Variants in PPP2R2C observed in about 807,000 individuals in gnomAD.
PPP2R2C encodes the protein protein phosphatase 2, regulatory subunit B, gamma.
A neutral mutation model predicts 45.3 loss-of-function variants in PPP2R2C; 10 were observed. That is an observed-to-expected ratio of 0.22 (90% confidence interval 0.14 to 0.37). PPP2R2C has a LOEUF of 0.37. PPP2R2C is among the 10% of genes least tolerant of loss of function. PPP2R2C has a pLI of 1.00. For missense variants in PPP2R2C, 308 were observed against 619.7 expected, an observed-to-expected ratio of 0.50 and a Z score of 5.34; for synonymous variants, 257 against 245.4, an observed-to-expected ratio of 1.05 and a Z score of -0.44.
intron 4 of PPP2R2C, 28 bp downstream of exon 4, chr4:6,375,791 T>C: frequency 6.5e-7 from 1 of 1,533,950 alleles, no homozygotes; most frequent in South Asian, 1.1e-5. Flanking sequence ...AAGAGGCGTG[T>C]GCCTGCTTCC....
intron 5 of PPP2R2C, among the ~76,000 whole-genome samples, chr4:6,362,380 G>C (rs1174650611): frequency 1.3e-5 from 2 of 152,164 alleles, no homozygotes; most frequent in South Asian, 4.1e-4. Flanking sequence ...AGAAATGCCA[G>C]GGAGGTCTGT....
At chr4:6,502,872 C>G (rs1723103547) in intron 2 of PPP2R2C, among the ~76,000 whole-genome samples, 1 of 152,166 alleles carries the variant, frequency 6.6e-6, no homozygotes, top group African/African-American at 2.4e-5. Context: ...TTCTCTCACA[C>G]CCACATCTAA....
At chr4:6,420,366 A>C (rs1432883727) in intron 1 of PPP2R2C, among the ~76,000 whole-genome samples, 1 of 150,422 alleles carries the variant, frequency 6.6e-6, no homozygotes, top group East Asian at 1.9e-4. Context: ...GCATCCCCCC[A>C]CCTGTCCCGT....
At chr4:6,479,503 G>A (rs551631525) in intron 2 of PPP2R2C, among the ~76,000 whole-genome samples, 21 of 145,394 alleles carry the variant, frequency 1.4e-4, no homozygotes, top group African/African-American at 4.8e-4. Context: ...AAATGAAGAC[G>A]AAGTCTGTGT....
intron 5 of PPP2R2C, among the ~76,000 whole-genome samples, chr4:6,371,805 C>A (rs1280828643): frequency 2.0e-5 from 3 of 152,182 alleles, no homozygotes; most frequent in Non-Finnish European, 4.4e-5. Context: ...GCCTGGCACA[C>A]AGAGTCTCAC....
chr4:6,397,780 T>G lies in PPP2R2C; in HGVS notation c.71-16686A>C, dbSNP rs1470338812. On this transcript the variant is annotated intron_variant, in intron 1 of 8. Transcript: ENST00000382599. ...TAATATTCACACCTGCTTCAGAGGG[T>G]CCTAAGGATTAAATAAGCGAAAATA... 2.6e-5 allele frequency among the ~76,000 whole-genome samples: 4 copies of G among 152,150 alleles called. No individual in the cohort carries two copies. In the South Asian group the frequency reaches 8.3e-4, roughly 32 times the overall value.
At chr4:6,390,103 T>C (rs1459099374) in intron 1 of PPP2R2C, among the ~76,000 whole-genome samples, 1 of 152,174 alleles carries the variant, frequency 6.6e-6, no homozygotes, top group Non-Finnish European at 1.5e-5. Flanking sequence ...TGGGGTCTGA[T>C]TCTGCCAGGG....
intron 2 of PPP2R2C, among the ~76,000 whole-genome samples, chr4:6,514,492 T>G (rs1181649094): frequency 6.6e-6 from 1 of 152,178 alleles, no homozygotes; most frequent in Non-Finnish European, 1.5e-5. Flanking sequence ...AGCTGAGTAT[T>G]TGTCCCCCAG....
At chr4:6,440,193 C>T (rs529068681) in intron 1 of PPP2R2C, among the ~76,000 whole-genome samples, 2 of 152,326 alleles carry the variant, frequency 1.3e-5, no homozygotes, top group East Asian at 1.9e-4. Context: ...ATCCCCAAGG[C>T]CTGGCATGGA....
At chr4:6,559,451 A>G (rs1266932385) in intron 1 of PPP2R2C, among the ~76,000 whole-genome samples, 1 of 151,870 alleles carries the variant, frequency 6.6e-6, no homozygotes, top group South Asian at 2.1e-4. Flanking sequence ...CAAAGAGATT[A>G]AACTTCACCC....
chr4:6,512,753 C>T (rs1383232427), intron 2 of PPP2R2C, among the ~76,000 whole-genome samples: 1 of 151,686 alleles, frequency 6.6e-6, no homozygotes, highest in Non-Finnish European at 1.5e-5. Flanking sequence ...AGGATAAGAC[C>T]TCACCTGGGC....
intron 1 of PPP2R2C, among the ~76,000 whole-genome samples, chr4:6,390,003 C>G (rs1443760696): frequency 3.3e-5 from 5 of 152,128 alleles, no homozygotes; most frequent in African/African-American, 1.2e-4. Flanking sequence ...GCCCCACCCA[C>G]GTCTATGAAA....
intron 6 of PPP2R2C, among the ~76,000 whole-genome samples, chr4:6,336,495 G>A (rs1186024481): frequency 3.3e-5 from 5 of 152,100 alleles, no homozygotes; most frequent in South Asian, 2.1e-4. Flanking sequence ...AGCCAAGGGC[G>A]CTTTTCAGGA....
At position 6,381,099 on chromosome 4, in the gene PPP2R2C, G is replaced by C. The variant is rs1191932309; in HGVS notation, c.71-5C>G. 3.8e-6 allele frequency: 6 copies of C among 1,575,000 alleles called. No individual in the cohort carries two copies. Among genetic ancestry groups the C allele is most frequent in the Non-Finnish European group, 5.2e-6 (6 of 1,158,240 alleles). On this transcript the variant is annotated splice_polypyrimidine_tract_variant and splice_region_variant and intron_variant, in intron 1 of 8. Transcript: ENST00000382599. Reference sequence around the variant, plus strand: ...CAACGGTAGAGATGATGTCAGCTGGGAGGGGAACAGCAAGACGGGAAGGGG... The same window carrying C: ...CAACGGTAGAGATGATGTCAGCTGGCAGGGGAACAGCAAGACGGGAAGGGG...
rs571236870 is a variant in PPP2R2C at position 6,445,310 on chromosome 4, C to T, written c.70+26850G>A. ...GCTTATGTTCACTATCTAGCTAAGACATGACCTGCCAGAATCATTTCCACA... is the reference window on the plus strand; with the variant it reads ...GCTTATGTTCACTATCTAGCTAAGATATGACCTGCCAGAATCATTTCCACA... On this transcript the variant is annotated intron_variant, in intron 1 of 8. Transcript: ENST00000382599. Among the ~76,000 whole-genome samples the T allele has an allele frequency of 1.6e-4, 24 of 152,338 alleles. 1 individual carries two copies. Among genetic ancestry groups the T allele is most frequent in the African/African-American group, 5.8e-4 (24 of 41,562 alleles).
chr4:6,413,836 T>C, intron 1 of PPP2R2C: 2 of 1,530,888 alleles, frequency 1.3e-6, no homozygotes, highest in Non-Finnish European at 1.8e-6. Context: ...GGGCTCCCAC[T>C]CAGGGCTGGC....
chr4:6,478,853 G>A (rs941859065), intron 2 of PPP2R2C, among the ~76,000 whole-genome samples: 2 of 152,190 alleles, frequency 1.3e-5, no homozygotes, highest in Non-Finnish European at 2.9e-5. Context: ...CCGGGACCCC[G>A]GCTGATGGAG....
chr4:6,475,170 G>A (rs1326382238), upstream of PPP2R2C, among the ~76,000 whole-genome samples: 1 of 152,232 alleles, frequency 6.6e-6, no homozygotes, highest in Non-Finnish European at 1.5e-5. Context: ...GGAGAAGGCG[G>A]GAATGGAGAT....
intron 1 of PPP2R2C, among the ~76,000 whole-genome samples, chr4:6,439,317 G>A (rs1042650230): frequency 7.9e-5 from 12 of 152,320 alleles, no homozygotes; most frequent in African/African-American, 2.9e-4. Context: ...TTGTAGAAAT[G>A]ACTCCTTCTG....
Sources: gnomAD v4.1 joint callset for allele counts (sites outside exome capture counted in the v4.1 genomes callset) on GRCh38, gnomAD v4.1.1 for gene constraint, MANE v1.5 for transcripts, NCBI Gene and HGNC (gene_info 2026-07-23, HGNC 2026-07-21) for gene names.